Variants in ALDH18A1 observed in about 807,000 individuals in gnomAD.
ALDH18A1 encodes aldehyde dehydrogenase 18 family member A1.
ALDH18A1 carries 44 observed loss-of-function variants against 88.8 expected under a neutral mutation model. The observed-to-expected ratio is 0.50, with a 90% CI of 0.39 to 0.64. The LOEUF is 0.64. Ranked by LOEUF, ALDH18A1 falls within the 30% of genes least tolerant of loss-of-function variation. The pLI, the probability that ALDH18A1 is intolerant of heterozygous loss-of-function variation, is 0.00. For synonymous variants in ALDH18A1, 331 were observed against 372.1 expected (o/e 0.89, Z 1.27); for missense variants, 782 against 1,009.5 (o/e 0.77, Z 3.05).
chr10:95,639,977 G>A (rs2097888358), intron 3 of ALDH18A1, among the ~76,000 whole-genome samples: 1 of 151,942 alleles, frequency 6.6e-6, no homozygotes, highest in Admixed American at 6.6e-5. Flanking sequence ...GTTCATCAAG[G>A]GGATACATAA....
intron 1 of ALDH18A1, among the ~76,000 whole-genome samples, chr10:95,655,681 A>AGTGTGTGTGTGTGTGTGTGT (rs3838754): frequency 4.7e-5 from 7 of 150,166 alleles, no homozygotes; most frequent in African/African-American, 1.7e-4. Flanking sequence ...GAGCAAAGAG[A>AGTGTGTGTGTGTGTGTGTGT]GTGTGTGTGT....
At chr10:95,610,404 T>G in intron 16 of ALDH18A1, 112 bp from the exon 17 acceptor site, 4 of 905,082 alleles carry the variant, frequency 4.4e-6, no homozygotes, top group Non-Finnish European at 7.2e-6. Context: ...CACTGGGGCC[T>G]CTCCATGTGT....
intron 2 of ALDH18A1, among the ~76,000 whole-genome samples, chr10:95,644,100 G>A (rs762224117): frequency 3.9e-5 from 6 of 152,150 alleles, no homozygotes; most frequent in Non-Finnish European, 8.8e-5. Flanking sequence ...CCAAGATCGT[G>A]CCACTGCACT....
At chr10:95,643,237 A>G in intron 2 of ALDH18A1, 31 bp from the exon 3 acceptor site, 1 of 1,604,114 alleles carries the variant, frequency 6.2e-7, no homozygotes, top group Non-Finnish European at 8.5e-7. Flanking sequence ...TGCAAGAAAA[A>G]AAGAAATACT....
chr10:95,633,680 G>A, intron 5 of ALDH18A1, 31 bp from the exon 6 acceptor site: 1 of 1,612,664 alleles, frequency 6.2e-7, no homozygotes, highest in Non-Finnish European at 8.5e-7. Flanking sequence ...GAAAATGCAT[G>A]AGGGAGAAAA....
intron 2 of ALDH18A1, among the ~76,000 whole-genome samples, chr10:95,648,839 T>A (rs900151935): frequency 5.9e-5 from 9 of 152,188 alleles, no homozygotes; most frequent in Admixed American, 2.6e-4. Flanking sequence ...ACTGTGCAGC[T>A]GAGCCCAGTC....
intron 7 of ALDH18A1, among the ~76,000 whole-genome samples, chr10:95,629,455 T>G (rs948723819): frequency 6.6e-6 from 1 of 152,190 alleles, no homozygotes; most frequent in African/African-American, 2.4e-5. Context: ...ATGCCCATTG[T>G]AGAGCAAAGC....
intron 10 of ALDH18A1, among the ~76,000 whole-genome samples, chr10:95,626,188 C>T (rs753904215): frequency 6.6e-6 from 1 of 152,142 alleles, no homozygotes; most frequent in Non-Finnish European, 1.5e-5. Flanking sequence ...CACATCTTCA[C>T]TCTCAAATCC....
intron 2 of ALDH18A1, among the ~76,000 whole-genome samples, chr10:95,644,232 T>C (rs1337263568): frequency 6.6e-6 from 1 of 152,226 alleles, no homozygotes; most frequent in Non-Finnish European, 1.5e-5. Context: ...TCAACTATTC[T>C]ACCTACAATT....
chr10:95,639,389 T>C (rs2097887160), intron 3 of ALDH18A1, among the ~76,000 whole-genome samples: 1 of 151,920 alleles, frequency 6.6e-6, no homozygotes, highest in Non-Finnish European at 1.5e-5. Context: ...GTGCTGAGAA[T>C]AGTATTATAA....
At chr10:95,616,765 A>C (rs1190138260) in intron 12 of ALDH18A1, 151 bp from the exon 13 acceptor site, 3 of 1,038,128 alleles carry the variant, frequency 2.9e-6, no homozygotes, top group Non-Finnish European at 4.3e-6. Context: ...ACTGCAGTGA[A>C]TTAAGTGCCT....
intron 17 of ALDH18A1, 93 bp from the exon 18 acceptor site, chr10:95,607,036 G>A: frequency 7.7e-7 from 1 of 1,295,002 alleles, no homozygotes; most frequent in Non-Finnish European, 1.1e-6. Flanking sequence ...CCCTCACTTG[G>A]TACCCTCTCT....
At chr10:95,636,642 C>T (rs939176194) in intron 5 of ALDH18A1, among the ~76,000 whole-genome samples, 10 of 152,190 alleles carry the variant, frequency 6.6e-5, no homozygotes, top group African/African-American at 2.2e-4. Context: ...ACCAGCATTC[C>T]TCTTTCCCTT....
intron 17 of ALDH18A1, 77 bp downstream of exon 17, chr10:95,610,120 T>C (rs968800931): frequency 1.4e-6 from 2 of 1,387,010 alleles, no homozygotes; most frequent in Non-Finnish European, 2.0e-6. Flanking sequence ...GGAGGTGTCT[T>C]TCCCACCTCA....
intron 17 of ALDH18A1, among the ~76,000 whole-genome samples, chr10:95,609,530 C>T (rs1036165153): frequency 1.3e-5 from 2 of 152,222 alleles, no homozygotes; most frequent in African/African-American, 2.4e-5. Flanking sequence ...TGGTTGCCCA[C>T]GCTGTAGCGG....
chr10:95,631,978 T>C (rs2097870843), intron 7 of ALDH18A1, among the ~76,000 whole-genome samples: 1 of 152,196 alleles, frequency 6.6e-6, no homozygotes, highest in South Asian at 2.1e-4. Context: ...TCACAGCTAA[T>C]GTCCATCAAT....
chr10:95,610,077 CTCTTA>C (rs1418222239), intron 17 of ALDH18A1, 115 bp downstream of exon 17: 1 of 1,015,052 alleles, frequency 9.9e-7, no homozygotes, highest in Non-Finnish European at 1.5e-6. Flanking sequence ...GCCTGTTTCT[CTCTTA>C]TCTTGACCAA....
rs770249022 is a variant in ALDH18A1, at chr10:95,610,217, T to A, written c.2186A>T (p.Asp729Val). ...VFWNASTRFS[D>V]GYRFGLGAEV... ...CTTACCCAGTCCAAAGCGGTAACCA[T>A]CAGAAAAGCGAGTGCTGGCATTCCA... Residue 729 changes from aspartate to valine, a missense_variant, in exon 17 of 18, where the codon GAT becomes GTT. Asp to Val is a radical substitution (Grantham distance 152). Around this residue, in one of 3 missense-constraint regions of ALDH18A1, gnomAD observed 556 missense variants for 654.5 expected, o/e 0.85. Transcript: ENST00000371224. 10 of 1,614,042 alleles carry A rather than the reference T, an allele frequency of 6.2e-6. No individual in the cohort carries two copies. The South Asian group carries it at 1.1e-4, about 18-fold the overall frequency.
intron 17 of ALDH18A1, 99 bp from the exon 18 acceptor site, chr10:95,607,042 T>G: frequency 3.3e-6 from 4 of 1,222,226 alleles, no homozygotes; most frequent in Non-Finnish European, 4.8e-6. Context: ...CTTGGTACCC[T>G]CTCTTCCTGC....
Sources: gnomAD v4.1 joint callset for allele counts (sites outside exome capture counted in the v4.1 genomes callset) on GRCh38, gnomAD v4.1.1 for gene constraint, gnomAD v4.1.1 regional missense constraint, MANE v1.5 for transcripts, NCBI Gene and HGNC (gene_info 2026-07-23, HGNC 2026-07-21) for gene names.